SLC20A2: variants seen among roughly 807,000 people sequenced by gnomAD.
The protein encoded by SLC20A2 is solute carrier family 20 member 2.
In SLC20A2, 30 loss-of-function variants were observed where a neutral mutation model predicts 61.0. The observed-to-expected ratio is 0.49, with a 90% confidence interval of 0.37 to 0.67. SLC20A2 has a LOEUF of 0.67. SLC20A2 is among the 30% of genes least tolerant of loss of function. The pLI is 0.00. For synonymous variants in SLC20A2, 351 were observed against 353.3 expected (o/e 0.99, Z 0.07); for missense variants, 626 against 866.4 (o/e 0.72, Z 3.48).
intron 1 of SLC20A2, among the ~76,000 whole-genome samples, chr8:42,500,383 G>C (rs1810243667): frequency 6.6e-6 from 1 of 152,160 alleles, no homozygotes; most frequent in African/African-American, 2.4e-5. Context: ...TAGATGAACT[G>C]CAGTTAAGGT....
At chr8:42,508,893 T>C (rs1264941545) in intron 1 of SLC20A2, among the ~76,000 whole-genome samples, 1 of 152,222 alleles carries the variant, frequency 6.6e-6, no homozygotes, top group Non-Finnish European at 1.5e-5. Flanking sequence ...TTTCCAAATC[T>C]AGGCTATAAA....
At chr8:42,533,269 T>C (rs1370179572) in intron 1 of SLC20A2, among the ~76,000 whole-genome samples, 1 of 152,212 alleles carries the variant, frequency 6.6e-6, no homozygotes, top group Non-Finnish European at 1.5e-5. Context: ...AACAATGACA[T>C]GCACTTACGG....
intron 2 of SLC20A2, chr8:42,470,977 AAAAAAAAAAAAAAG>A (rs1807591282): frequency 3.4e-6 from 1 of 296,528 alleles, no homozygotes; most frequent in African/African-American, 2.2e-5. Context: ...CTGTCTCAAA[AAAAAAAAAAAAAAG>A]AAAAGAAAAA....
In SLC20A2 at chr8:42,437,489, A is replaced by G. The variant is rs1434256270; in HGVS notation, c.1023T>C (p.Gly341=). Residue 341 remains glycine (G), a synonymous_variant, in exon 8 of 11, where the codon GGT becomes GGC. Coordinates refer to ENST00000520262, the MANE Select transcript of SLC20A2 (RefSeq NM_001257180.2). The surrounding 1 kb of genome is among the most constrained non-coding windows in gnomAD (Gnocchi z 6.4). ...FGFDGHTRSD[G]HVYHTVHKDS... is the part of the protein sequence containing the mutation. The stretch of plus-strand genomic sequence containing the variant: ...CTTTGTGCACGGTGTGGTACACATG[A>G]CCGTCGCTCCTGGTGTGGCCGTCGA... The G allele has an allele frequency of 3.7e-6, 6 of 1,613,828 alleles. No homozygotes were observed. The highest frequency in any genetic ancestry group is 5.1e-6 in the Non-Finnish European group (6 of 1,180,004).
intron 1 of SLC20A2, among the ~76,000 whole-genome samples, chr8:42,512,245 A>G (rs1436159170): frequency 2.0e-5 from 3 of 152,084 alleles, no homozygotes; most frequent in African/African-American, 7.2e-5. Flanking sequence ...AACAACTGAA[A>G]ATTATCCTTT....
At chr8:42,533,656 T>TTTTTTC (rs1168700271) in intron 1 of SLC20A2, among the ~76,000 whole-genome samples, 16 of 113,332 alleles carry the variant, frequency 1.4e-4, no homozygotes, top group South Asian at 1.3e-3. Context: ...CAACTGTTCT[T>TTTTTTC]TTTTTTTTTT....
intron 1 of SLC20A2, among the ~76,000 whole-genome samples, chr8:42,511,535 G>C (rs1037100712): frequency 7.2e-5 from 11 of 151,934 alleles, no homozygotes; most frequent in Non-Finnish European, 1.0e-4. Flanking sequence ...GCTGAGGAAG[G>C]AGAATCGCTT....
At chr8:42,493,339 G>GCTCT (rs1809668435) in intron 1 of SLC20A2, among the ~76,000 whole-genome samples, 1 of 152,206 alleles carries the variant, frequency 6.6e-6, no homozygotes. Flanking sequence ...TTCTTAAAGT[G>GCTCT]CTCTCACATG....
chr8:42,460,854 G>C (rs370516040), intron 4 of SLC20A2, among the ~76,000 whole-genome samples: 31 of 152,230 alleles, frequency 2.0e-4, no homozygotes, highest in African/African-American at 5.1e-4. Flanking sequence ...AATTCAAAAA[G>C]GGGCTAACTT....
intron 1 of SLC20A2, among the ~76,000 whole-genome samples, chr8:42,479,551 G>A (rs889329460): frequency 6.6e-6 from 1 of 152,036 alleles, no homozygotes; most frequent in South Asian, 2.1e-4. Flanking sequence ...TTAGCTGGGC[G>A]CAGTGGCTCA....
chr8:42,455,995 T>C (rs966559353), intron 5 of SLC20A2, among the ~76,000 whole-genome samples: 1 of 152,186 alleles, frequency 6.6e-6, no homozygotes, highest in Non-Finnish European at 1.5e-5. Flanking sequence ...AACAACCCTA[T>C]GAAGTATTTA....
chr8:42,459,103 G>C (rs1291875422), intron 5 of SLC20A2, among the ~76,000 whole-genome samples: 1 of 150,764 alleles, frequency 6.6e-6, no homozygotes, highest in African/African-American at 2.4e-5. Flanking sequence ...AAAACCTGTG[G>C]TGTGCTCCTG....
At chr8:42,517,649 G>A (rs1355707597) in intron 1 of SLC20A2, among the ~76,000 whole-genome samples, 9 of 152,044 alleles carry the variant, frequency 5.9e-5, no homozygotes, top group African/African-American at 2.2e-4. Context: ...CCCATCCTAG[G>A]GATTCTAGGG....
chr8:42,503,170 A>C (rs1355781659), upstream of SLC20A2, among the ~76,000 whole-genome samples: 1 of 152,220 alleles, frequency 6.6e-6, no homozygotes, highest in Admixed American at 6.5e-5. Context: ...CATTCCAAAT[A>C]AAAGAGTCTC....
chr8:42,520,101 T>A (rs1041084505), intron 1 of SLC20A2, among the ~76,000 whole-genome samples: 1 of 140,472 alleles, frequency 7.1e-6, no homozygotes, highest in African/African-American at 2.6e-5. Context: ...ACAACCTCCA[T>A]CTCCCGGGTT....
chr8:42,503,681 T>C (rs959993747), upstream of SLC20A2, among the ~76,000 whole-genome samples: 7 of 152,350 alleles, frequency 4.6e-5, no homozygotes, highest in South Asian at 1.4e-3. Context: ...GTGCGTATTT[T>C]ACAATTAGTA....
intron 1 of SLC20A2, among the ~76,000 whole-genome samples, chr8:42,519,590 T>C (rs542812183): frequency 6.6e-6 from 1 of 152,336 alleles, no homozygotes; most frequent in African/African-American, 2.4e-5. Context: ...CTGCTTTTTA[T>C]ATTTCACTCT....
At chr8:42,429,061 T>C (rs1191996388) in intron 9 of SLC20A2, among the ~76,000 whole-genome samples, 2 of 152,216 alleles carry the variant, frequency 1.3e-5, no homozygotes, top group African/African-American at 4.8e-5. Flanking sequence ...CCTGGCCTTC[T>C]GATACGTTTT....
rs561396331 is a variant in SLC20A2 at position 42,457,871 on chromosome 8, T to G, written c.613+2025A>C. 5.3e-5 allele frequency among the ~76,000 whole-genome samples: 8 copies of G among 152,326 alleles called. No individual in the cohort carries two copies. The South Asian group carries it at 1.2e-3, about 24-fold the overall frequency. On this transcript the variant is annotated intron_variant, in intron 5 of 10. Transcript: ENST00000520262. ...ATATAATGTTAGAATCATTTAGGAATACTTTATTCCCAGTACTGAAACATA... is the reference window on the plus strand; with the variant it reads ...ATATAATGTTAGAATCATTTAGGAAGACTTTATTCCCAGTACTGAAACATA...
Sources: gnomAD v4.1 joint callset for allele counts (sites outside exome capture counted in the v4.1 genomes callset) on GRCh38, gnomAD v4.1.1 for gene constraint, Gnocchi (gnomAD v3.1) non-coding constraint, MANE v1.5 for transcripts, NCBI Gene and HGNC (gene_info 2026-07-23, HGNC 2026-07-21) for gene names.